Variants in SGCZ observed in about 807,000 individuals in gnomAD.
SGCZ encodes sarcoglycan zeta, also known as zeta-sarcoglycan.
A neutral mutation model predicts 41.3 loss-of-function variants in SGCZ; 40 were observed. The observed-to-expected ratio is 0.97, with a 90% CI of 0.75 to 1.26. SGCZ has a LOEUF of 1.26. SGCZ is among the 50% of genes most tolerant of loss of function. The probability of loss-of-function intolerance (pLI) is 0.00; values close to 1 mark genes in which losing one functional copy is unlikely to be tolerated. For missense variants in SGCZ, 552 were observed against 369.8 expected, an observed-to-expected ratio of 1.49 and a Z score of -4.04; for synonymous variants, 206 against 137.5, an observed-to-expected ratio of 1.50 and a Z score of -3.49.
At chr8:15,051,082 T>C (rs1804496916) in intron 1 of SGCZ, among the ~76,000 whole-genome samples, 1 of 152,146 alleles carries the variant, frequency 6.6e-6, no homozygotes, top group South Asian at 2.1e-4. Flanking sequence ...ATAGAGATGA[T>C]TTATTCTGAA....
chr8:14,969,148 A>C (rs1255900878), intron 1 of SGCZ, among the ~76,000 whole-genome samples: 1 of 152,122 alleles, frequency 6.6e-6, no homozygotes, highest in African/African-American at 2.4e-5. Context: ...GTCCTCTTTC[A>C]AATAAAAACA....
chr8:14,518,103 A>G (rs2117093110), intron 2 of SGCZ, among the ~76,000 whole-genome samples: 1 of 151,978 alleles, frequency 6.6e-6, no homozygotes, highest in South Asian at 2.1e-4. Flanking sequence ...AGATAGCAAT[A>G]TATTTGCTCA....
chr8:15,144,614 G>A (rs372750242), intron 1 of SGCZ, among the ~76,000 whole-genome samples: 51 of 151,862 alleles, frequency 3.4e-4, no homozygotes, highest in African/African-American at 1.1e-3. Context: ...GGCACATGCC[G>A]CCACACCCAG....
intron 1 of SGCZ, among the ~76,000 whole-genome samples, chr8:14,702,294 C>T (rs948417859): frequency 6.6e-6 from 1 of 151,770 alleles, no homozygotes; most frequent in African/African-American, 2.4e-5. Flanking sequence ...TGTGTTTTTC[C>T]TTTACTGACA....
chr8:14,230,762 GT>G lies in SGCZ; in HGVS notation c.424+6829del, dbSNP rs1429151292. On this transcript the variant is annotated intron_variant, in intron 4 of 7. Transcript: ENST00000382080. The stretch of plus-strand genomic sequence containing the variant: ...TTCTTTCCTTCTTTTTTTTTTGGTG[GT>G]GGTGGGGGGGTGGTTACTCAAACAT... Among the ~76,000 whole-genome samples the G allele has an allele frequency of 2.8e-5, 3 of 106,690 alleles. No homozygotes were observed. The East Asian group carries it at 8.0e-4, about 28-fold the overall frequency. 70.0% of individuals were successfully genotyped at this position (106,690 alleles called of 152,430 possible). A position where few individuals can be genotyped will look rare whatever the true frequency, so the allele number is the denominator to read the frequency against.
intron 1 of SGCZ, among the ~76,000 whole-genome samples, chr8:14,994,162 T>A (rs1322288105): frequency 1.3e-5 from 2 of 152,222 alleles, no homozygotes; most frequent in African/African-American, 2.4e-5. Flanking sequence ...CAATTTTACT[T>A]CCTTAGAAAA....
intron 2 of SGCZ, among the ~76,000 whole-genome samples, chr8:14,495,860 C>T (rs1042240695): frequency 2.2e-4 from 34 of 152,066 alleles, no homozygotes; most frequent in African/African-American, 8.2e-4. Context: ...CAGAGAAAAA[C>T]AAGCCCTTCC....
At chr8:14,684,763 A>G (rs1392783426) in intron 1 of SGCZ, among the ~76,000 whole-genome samples, 1 of 151,918 alleles carries the variant, frequency 6.6e-6, no homozygotes, top group Non-Finnish European at 1.5e-5. Flanking sequence ...AATTGCTGCA[A>G]AGAAGTCTTT....
intron 1 of SGCZ, among the ~76,000 whole-genome samples, chr8:15,179,998 G>C (rs995518143): frequency 1.1e-4 from 17 of 152,094 alleles, no homozygotes; most frequent in African/African-American, 4.1e-4. Flanking sequence ...CTGTTTAGTA[G>C]GCTGACTATT....
At chr8:15,006,860 C>T (rs932835091) in intron 1 of SGCZ, among the ~76,000 whole-genome samples, 2 of 152,104 alleles carry the variant, frequency 1.3e-5, no homozygotes, top group South Asian at 2.1e-4. Flanking sequence ...TTAAATGTGC[C>T]TCTTTATACA....
chr8:14,340,415 A>G lies in SGCZ; in HGVS notation c.235-16211T>C, dbSNP rs1271723336. ...CTGTTCCATCTTCTTTGCTTCTATA[A>G]CAGCCTATTTTTCTTTTATTCACGT... On this transcript the variant is annotated intron_variant, in intron 2 of 7. Transcript: ENST00000382080. Among the ~76,000 whole-genome samples the G allele has an allele frequency of 3.3e-5, 5 of 152,160 alleles. No homozygotes were observed. The East Asian group carries it at 7.7e-4, about 23-fold the overall frequency.
At chr8:15,048,518 G>C (rs1422981971) in intron 1 of SGCZ, among the ~76,000 whole-genome samples, 1 of 152,050 alleles carries the variant, frequency 6.6e-6, no homozygotes, top group African/African-American at 2.4e-5. Context: ...ATACATGTTT[G>C]AGGAAATGGA....
At chr8:14,736,239 C>A (rs1799025466) in intron 1 of SGCZ, among the ~76,000 whole-genome samples, 1 of 152,020 alleles carries the variant, frequency 6.6e-6, no homozygotes, top group African/African-American at 2.4e-5. Flanking sequence ...ATTTCAAAAT[C>A]TCATAAATCT....
intron 4 of SGCZ, among the ~76,000 whole-genome samples, chr8:14,169,646 G>T (rs532922835): frequency 1.3e-5 from 2 of 152,240 alleles, no homozygotes; most frequent in East Asian, 3.9e-4. Context: ...GGTATGTGGG[G>T]CTGGCTATCT....
chr8:14,867,492 A>C lies in SGCZ; in HGVS notation c.40-312566T>G, dbSNP rs181527435. Among the ~76,000 whole-genome samples the C allele has an allele frequency of 2.6e-5, 4 of 152,026 alleles. No homozygotes were observed. In the East Asian group the frequency reaches 7.8e-4, roughly 30 times the overall value. On this transcript the variant is annotated intron_variant, in intron 1 of 7. Transcript: ENST00000382080. Reference sequence around the variant, plus strand: ...CAGTAGCAGGATTGCTGGGTAGAATAGTATTTCTGTCTTTAGGTCTTTGAG... The same window carrying C: ...CAGTAGCAGGATTGCTGGGTAGAATCGTATTTCTGTCTTTAGGTCTTTGAG...
intron 4 of SGCZ, among the ~76,000 whole-genome samples, chr8:14,190,278 C>T (rs1393133185): frequency 6.6e-6 from 1 of 151,872 alleles, no homozygotes; most frequent in Non-Finnish European, 1.5e-5. Flanking sequence ...TCCCAAAGTG[C>T]CAGGATTACA....
chr8:14,928,636 CT>C (rs1314068499), intron 1 of SGCZ, among the ~76,000 whole-genome samples: 1 of 152,120 alleles, frequency 6.6e-6, no homozygotes, highest in Non-Finnish European at 1.5e-5. Flanking sequence ...AATTATATTA[CT>C]GGGGTCCTCA....
chr8:15,160,284 G>C (rs1194968892), intron 1 of SGCZ, among the ~76,000 whole-genome samples: 7 of 152,116 alleles, frequency 4.6e-5, no homozygotes, highest in African/African-American at 1.4e-4. Flanking sequence ...CCATATTGTA[G>C]CAATTCATCC....
At chr8:14,836,635 A>G (rs1008062515) in intron 1 of SGCZ, among the ~76,000 whole-genome samples, 2 of 152,148 alleles carry the variant, frequency 1.3e-5, no homozygotes, top group Non-Finnish European at 2.9e-5. Flanking sequence ...AACAGCTGGG[A>G]TCGCAGGTGC....
Sources: allele counts gnomAD v4.1 joint callset (sites outside exome capture counted in the v4.1 genomes callset), GRCh38; gene constraint gnomAD v4.1.1; transcripts MANE v1.5; gene names NCBI Gene and HGNC (gene_info 2026-07-23, HGNC 2026-07-21).